NADSYN1: variants seen among roughly 807,000 people sequenced by gnomAD.
The protein encoded by NADSYN1 is glutamine-dependent NAD(+) synthetase.
In NADSYN1, 80 loss-of-function variants were observed where a neutral mutation model predicts 99.3. The ratio of observed to expected loss-of-function variants is 0.81; its 90% CI spans 0.67 to 0.97. The LOEUF (loss-of-function observed/expected upper bound fraction) is 0.97. Among genes scored for constraint, NADSYN1 ranks in the 50% least tolerant of loss-of-function variants. The pLI, the probability that NADSYN1 is intolerant of heterozygous loss-of-function variation, is 0.00. For missense variants in NADSYN1, 859 were observed against 948.5 expected (o/e 0.91, Z 1.24); for synonymous variants, 385 against 372.1 (o/e 1.03, Z -0.40).
At position 71,477,130 on chromosome 11, in the gene NADSYN1, C is replaced by G. The variant is rs912201347; in HGVS notation, c.799-1265C>G. 7.1e-6 allele frequency: 8 copies of G among 1,128,282 alleles called. No individual in the cohort carries two copies. In the African/African-American group the frequency reaches 1.2e-4, roughly 16 times the overall value. The allele number at this position is 1,128,282 out of a possible 1,614,324, so 69.9% of individuals were successfully genotyped here. A position where few individuals can be genotyped will look rare whatever the true frequency, so the allele number is the denominator to read the frequency against. On this transcript the variant is annotated intron_variant, in intron 9 of 20. Coordinates refer to ENST00000319023, the MANE Select transcript of NADSYN1 (RefSeq NM_018161.5). Reference sequence around the variant, plus strand: ...CCTCCTGCTCAAGCAACAGACCTGCCGATCACCCCCGTCGGGCCCGCGTTT... The same window carrying G: ...CCTCCTGCTCAAGCAACAGACCTGCGGATCACCCCCGTCGGGCCCGCGTTT...
At chr11:71,462,543 C>T (rs185374312) in intron 3 of NADSYN1, among the ~76,000 whole-genome samples, 19 of 152,230 alleles carry the variant, frequency 1.2e-4, no homozygotes, top group Middle Eastern at 3.4e-3. Context: ...CCCTGACCAC[C>T]GCAGGCACGT....
At chr11:71,484,162 G>A (rs1267395886) in intron 14 of NADSYN1, 150 bp from the exon 15 acceptor site, 7 of 1,159,838 alleles carry the variant, frequency 6.0e-6, no homozygotes, top group Admixed American at 2.5e-5. Context: ...TGATGGCTGC[G>A]CAGCACTGTG....
intron 2 of NADSYN1, among the ~76,000 whole-genome samples, chr11:71,458,052 C>G (rs1949524785): frequency 6.6e-6 from 1 of 152,126 alleles, no homozygotes; most frequent in African/African-American, 2.4e-5. Context: ...TAGTGATCTT[C>G]TTTGCCAAAG....
At chr11:71,479,987 T>C (rs1311246320) in intron 10 of NADSYN1, 4 of 152,262 alleles carry the variant, frequency 2.6e-5, no homozygotes, top group African/African-American at 9.6e-5. Context: ...CATTCACTCT[T>C]CCACTGATGG....
intron 2 of NADSYN1, among the ~76,000 whole-genome samples, chr11:71,458,207 C>T (rs531795332): frequency 1.3e-5 from 2 of 152,184 alleles, no homozygotes; most frequent in African/African-American, 4.8e-5. Flanking sequence ...ACTTAAAACT[C>T]AGAGAGAGGA....
intron 3 of NADSYN1, among the ~76,000 whole-genome samples, chr11:71,460,436 G>A (rs1949543643): frequency 6.6e-6 from 1 of 152,094 alleles, no homozygotes; most frequent in South Asian, 2.1e-4. Flanking sequence ...CTGCAGCCTC[G>A]ACCTCCTGGG....
chr11:71,480,865 TGAG>T lies in NADSYN1; in HGVS notation c.991_993del (p.Glu331del). 3 of 1,614,086 alleles carry T rather than the reference TGAG, an allele frequency of 1.9e-6. No individual in the cohort carries two copies. Among genetic ancestry groups the T allele is most frequent in the South Asian group, 2.2e-5 (2 of 91,088 alleles). ...CCATCGAGTGGAAATACCACAGCCC[TGAG>T]GAGGAGATAAGGTGTGTGGCCCCTG... is the stretch of plus-strand genomic sequence containing the variant. On this transcript the variant is annotated inframe_deletion, in exon 11 of 21. Coordinates refer to ENST00000319023, the MANE Select transcript of NADSYN1 (RefSeq NM_018161.5).
chr11:71,478,520 A>G, intron 10 of NADSYN1, 51 bp downstream of exon 10: 2 of 1,524,188 alleles, frequency 1.3e-6, no homozygotes, highest in Non-Finnish European at 1.8e-6. Flanking sequence ...AGACGTGGAA[A>G]GTGGCCCCAT....
intron 16 of NADSYN1, among the ~76,000 whole-genome samples, chr11:71,486,963 G>A (rs1008636549): frequency 2.6e-5 from 4 of 151,850 alleles, no homozygotes; most frequent in Admixed American, 6.6e-5. Context: ...CCATCACCAC[G>A]CCTGGCTAAT....
At chr11:71,458,397 TC>T (rs1232924078) in intron 2 of NADSYN1, 30 bp from the exon 3 acceptor site, 15 of 1,566,550 alleles carry the variant, frequency 9.6e-6, no homozygotes, top group Admixed American at 1.7e-5. Context: ...CTGAGTTGTT[TC>T]TGGAGCTCAC....
intron 8 of NADSYN1, 141 bp from the exon 9 acceptor site, chr11:71,474,254 C>T (rs1408414069): frequency 8.2e-6 from 9 of 1,097,592 alleles, no homozygotes; most frequent in Non-Finnish European, 1.1e-5. Context: ...TGCTTCCCCA[C>T]ACATATGCGT....
intron 4 of NADSYN1, among the ~76,000 whole-genome samples, chr11:71,463,842 T>C (rs1949567920): frequency 6.6e-6 from 1 of 152,230 alleles, no homozygotes; most frequent in South Asian, 2.1e-4. Context: ...GGGGCTTAGC[T>C]GCTTCATCGT....
intron 15 of NADSYN1, chr11:71,484,941 G>C (rs112324186): frequency 1.1e-5 from 2 of 181,582 alleles, no homozygotes; most frequent in East Asian, 2.8e-4. Context: ...GCATGAGTGC[G>C]TCTGCATGAG....
intron 4 of NADSYN1, 75 bp downstream of exon 4, chr11:71,463,560 C>T (rs778194518): frequency 6.2e-5 from 88 of 1,424,174 alleles, no homozygotes; most frequent in Non-Finnish European, 7.9e-5. Context: ...TGCCAGGACC[C>T]GTGCTGGTGC....
At chr11:71,466,748 C>T (rs1377626740) in intron 5 of NADSYN1, 1 of 152,292 alleles carries the variant, frequency 6.6e-6, no homozygotes, top group African/African-American at 2.4e-5. Flanking sequence ...CGGAATGACC[C>T]TCATAACTGA....
At position 71,467,351 on chromosome 11, in the gene NADSYN1, C is replaced by T. The variant is rs146485838; in HGVS notation, c.407+3209C>T. On this transcript the variant is annotated intron_variant, in intron 5 of 20. Coordinates refer to ENST00000319023, the MANE Select transcript of NADSYN1 (RefSeq NM_018161.5). ...AATTCACCTTCAATCCAGGCTGCTC[C>T]GAATTTCTAGACGTGACATTTAAGG... 3.3e-5 allele frequency among the ~76,000 whole-genome samples: 5 copies of T among 152,086 alleles called. No individual in the cohort carries two copies. In the East Asian group the frequency reaches 7.7e-4, roughly 24 times the overall value.
At chr11:71,454,139 G>C (rs931224398) in intron 1 of NADSYN1, among the ~76,000 whole-genome samples, 1 of 152,250 alleles carries the variant, frequency 6.6e-6, no homozygotes, top group African/African-American at 2.4e-5. Context: ...GACTGCAAGA[G>C]CCTTTGCCAG....
rs367626565 is a variant in NADSYN1, at chr11:71,490,132, G to A, written c.1563-713G>A. Among the ~76,000 whole-genome samples, 109 of 152,270 alleles carry A rather than the reference G, an allele frequency of 7.2e-4. 3 individuals carry two copies. The South Asian group carries it at 0.022, about 30-fold the overall frequency. ...CAGTGGGTTCCTTCTGGAGACCCTGGAGAGAATCTGTTTCCCGCCATTTCC... is the reference window on the plus strand; with the variant it reads ...CAGTGGGTTCCTTCTGGAGACCCTGAAGAGAATCTGTTTCCCGCCATTTCC... On this transcript the variant is annotated intron_variant, in intron 16 of 20. Coordinates refer to ENST00000319023, the MANE Select transcript of NADSYN1 (RefSeq NM_018161.5).
intron 17 of NADSYN1, 90 bp downstream of exon 17, chr11:71,491,066 C>A: frequency 1.3e-6 from 2 of 1,541,778 alleles, no homozygotes; most frequent in South Asian, 2.4e-5. Context: ...CAGGCTCCTT[C>A]GTAGCTCCTG....
Sources: allele counts gnomAD v4.1 joint callset (sites outside exome capture counted in the v4.1 genomes callset), GRCh38; gene constraint gnomAD v4.1.1; transcripts MANE v1.5; gene names NCBI Gene and HGNC (gene_info 2026-07-23, HGNC 2026-07-21).